The following ERC2 variants were observed in gnomAD, a reference collection of about 807,000 sequenced individuals.
ERC2 encodes the protein ELKS/RAB6-interacting/CAST family member 2, also known as ERC protein 2.
ERC2 carries 42 observed loss-of-function variants against 114.8 expected under a neutral mutation model. The ratio of observed to expected loss-of-function variants is 0.37; its 90% CI spans 0.29 to 0.47. The LOEUF is 0.47. Ranked by LOEUF, ERC2 falls within the 20% of genes least tolerant of loss-of-function variation. The pLI is 0.99. For missense variants in ERC2, 939 were observed against 1,150.7 expected (o/e 0.82, Z 2.66); for synonymous variants, 454 against 425.5 (o/e 1.07, Z -0.82).
At chr3:56,320,822 C>T (rs112795104) in intron 2 of ERC2, among the ~76,000 whole-genome samples, 1 of 152,092 alleles carries the variant, frequency 6.6e-6, no homozygotes, top group Non-Finnish European at 1.5e-5. Flanking sequence ...AGTCAGGTAA[C>T]CTCCTTATAC....
intron 6 of ERC2, among the ~76,000 whole-genome samples, chr3:56,123,946 C>G (rs1298132351): frequency 1.3e-5 from 2 of 152,164 alleles, no homozygotes; most frequent in Admixed American, 1.3e-4. Context: ...TTACCCAGGG[C>G]TTTCTCAGCC....
At chr3:56,265,667 T>C (rs1002234415) in intron 3 of ERC2, among the ~76,000 whole-genome samples, 2 of 152,098 alleles carry the variant, frequency 1.3e-5, no homozygotes, top group Admixed American at 6.5e-5. Flanking sequence ...AGGCAGCCTA[T>C]GGATTGGGAG....
intron 3 of ERC2, among the ~76,000 whole-genome samples, chr3:56,190,084 G>C (rs892736808): frequency 2.6e-5 from 4 of 152,156 alleles, no homozygotes; most frequent in African/African-American, 9.7e-5. Context: ...TGTTAAGGCT[G>C]CCAGAAGGGG....
chr3:55,534,924 T>C (rs1030730490), intron 17 of ERC2, among the ~76,000 whole-genome samples: 1 of 152,128 alleles, frequency 6.6e-6, no homozygotes, highest in Non-Finnish European at 1.5e-5. Context: ...TCATGGTCAA[T>C]GGAAGACATA....
intron 15 of ERC2, among the ~76,000 whole-genome samples, chr3:55,704,010 C>T (rs557058380): frequency 6.6e-6 from 1 of 152,292 alleles, no homozygotes; most frequent in African/African-American, 2.4e-5. Context: ...AGTTTCATTT[C>T]TTACTATCCC....
At chr3:56,382,423 T>C (rs1038111583) in intron 2 of ERC2, among the ~76,000 whole-genome samples, 2 of 152,142 alleles carry the variant, frequency 1.3e-5, no homozygotes, top group Non-Finnish European at 2.9e-5. Flanking sequence ...TAGAAAAAGG[T>C]GTCCAGGTTT....
At chr3:56,126,578 A>G (rs189850074) in intron 6 of ERC2, among the ~76,000 whole-genome samples, 6 of 152,202 alleles carry the variant, frequency 3.9e-5, no homozygotes, top group Admixed American at 3.9e-4. Context: ...GCAATACAGC[A>G]AGACCTCATT....
chr3:55,721,195 C>T (rs2064527851), intron 15 of ERC2, among the ~76,000 whole-genome samples: 1 of 152,212 alleles, frequency 6.6e-6, no homozygotes, highest in South Asian at 2.1e-4. Context: ...TGTCCTGGCC[C>T]AACCACTTAT....
At chr3:56,139,747 G>A in intron 5 of ERC2, 71 bp from the exon 6 acceptor site, 1 of 1,458,996 alleles carries the variant, frequency 6.9e-7, no homozygotes, top group Non-Finnish European at 9.3e-7. Flanking sequence ...GACAACTACT[G>A]ATTTCTCTCC....
rs552948580 is a variant in ERC2 at position 56,388,886 on chromosome 3, C to T, written c.657+45465G>A. ...CCAAAAAATTATCAACTCAATAAAA[C>T]ACACAAGGGAGCAGGAATGTATCAA... On this transcript the variant is annotated intron_variant, in intron 2 of 17. Transcript: ENST00000288221. Among the ~76,000 whole-genome samples the T allele has an allele frequency of 8.5e-5, 13 of 152,226 alleles. 1 individual carries two copies. The South Asian group carries it at 2.7e-3, about 32-fold the overall frequency.
intron 14 of ERC2, among the ~76,000 whole-genome samples, chr3:55,791,548 G>T (rs1434684171): frequency 6.6e-6 from 1 of 152,140 alleles, no homozygotes; most frequent in Admixed American, 6.6e-5. Context: ...TGTCTGAGAT[G>T]TTTTTAGGTC....
At chr3:56,057,835 T>G (rs1367842617) in intron 7 of ERC2, among the ~76,000 whole-genome samples, 2 of 152,106 alleles carry the variant, frequency 1.3e-5, no homozygotes, top group East Asian at 1.9e-4. Flanking sequence ...AAATGATAGA[T>G]TGTATTAAAA....
At chr3:56,361,992 G>C (rs2058974704) in intron 2 of ERC2, among the ~76,000 whole-genome samples, 1 of 152,118 alleles carries the variant, frequency 6.6e-6, no homozygotes, top group African/African-American at 2.4e-5. Flanking sequence ...AATTACACAT[G>C]CCACTTAAAC....
intron 1 of ERC2, among the ~76,000 whole-genome samples, chr3:56,438,897 A>G (rs2062154467): frequency 6.6e-6 from 1 of 152,214 alleles, no homozygotes; most frequent in South Asian, 2.1e-4. Context: ...CCCTTTGGAA[A>G]CACACACACA....
At chr3:55,512,356 C>G (rs939545227) in intron 17 of ERC2, among the ~76,000 whole-genome samples, 1 of 152,132 alleles carries the variant, frequency 6.6e-6, no homozygotes, top group African/African-American at 2.4e-5. Context: ...TTTTGCAGAG[C>G]CAGAAAGTTA....
At chr3:55,712,647 G>A (rs1010885214) in intron 15 of ERC2, among the ~76,000 whole-genome samples, 2 of 152,102 alleles carry the variant, frequency 1.3e-5, no homozygotes, top group Non-Finnish European at 1.5e-5. Context: ...CTTATCACTG[G>A]AGATGGGAGA....
At chr3:55,769,822 A>G (rs531038961) in intron 14 of ERC2, among the ~76,000 whole-genome samples, 1 of 152,308 alleles carries the variant, frequency 6.6e-6, no homozygotes, top group African/African-American at 2.4e-5. Flanking sequence ...GAAAACAGCT[A>G]AATAAAACTC....
intron 6 of ERC2, among the ~76,000 whole-genome samples, chr3:56,086,398 T>C (rs1215527484): frequency 1.3e-5 from 2 of 152,020 alleles, no homozygotes; most frequent in African/African-American, 4.8e-5. Flanking sequence ...CACTGGAAAG[T>C]GTGTACTTAA....
intron 1 of ERC2, among the ~76,000 whole-genome samples, chr3:56,465,536 G>A (rs1469621847): frequency 6.6e-6 from 1 of 152,114 alleles, no homozygotes; most frequent in African/African-American, 2.4e-5. Flanking sequence ...TCCCTTGGTG[G>A]GGAGACAACT....
Sources: gnomAD v4.1 joint callset for allele counts (sites outside exome capture counted in the v4.1 genomes callset) on GRCh38, gnomAD v4.1.1 for gene constraint, MANE v1.5 for transcripts, NCBI Gene and HGNC (gene_info 2026-07-23, HGNC 2026-07-21) for gene names.